Variants in ESRRB observed in about 807,000 individuals in gnomAD.
ESRRB encodes steroid hormone receptor ERR2.
In ESRRB, 16 loss-of-function variants were observed where a neutral mutation model predicts 46.0. That is an observed-to-expected ratio of 0.35 (90% CI 0.24 to 0.53). ESRRB has a LOEUF of 0.53. ESRRB is among the 20% of genes least tolerant of loss of function. The pLI is 0.93. For synonymous variants in ESRRB, 246 were observed against 259.6 expected (o/e 0.95, Z 0.50); for missense variants, 488 against 607.4 (o/e 0.80, Z 2.07).
chr14:76,447,504 TC>T, intron 2 of ESRRB, among the ~76,000 whole-genome samples: 1 of 152,246 alleles, frequency 6.6e-6, no homozygotes, highest in South Asian at 2.1e-4. Flanking sequence ...CTTGCTGTCA[TC>T]CTCTTCCCCA....
chr14:76,429,849 A>ATGTG (rs58340334), intron 1 of ESRRB, among the ~76,000 whole-genome samples: 211 of 150,288 alleles, frequency 1.4e-3, no homozygotes, highest in African/African-American at 4.1e-3. Context: ...TTTAAGTTTT[A>ATGTG]TGTGTGTGTG....
chr14:76,491,403 C>T, intron 5 of ESRRB, 44 bp from the exon 6 acceptor site: 8 of 1,600,402 alleles, frequency 5.0e-6, no homozygotes, highest in Non-Finnish European at 6.8e-6. Context: ...CCCTGGTCCG[C>T]CCTCCTGACC....
intron 2 of ESRRB, among the ~76,000 whole-genome samples, chr14:76,449,627 G>C (rs746577955): frequency 3.9e-5 from 6 of 152,064 alleles, no homozygotes; most frequent in Non-Finnish European, 8.8e-5. Flanking sequence ...CATTGATTGC[G>C]GTCTTCTTAG....
At chr14:76,481,201 G>C (rs1436528184) in intron 3 of ESRRB, among the ~76,000 whole-genome samples, 2 of 152,250 alleles carry the variant, frequency 1.3e-5, no homozygotes, top group African/African-American at 4.8e-5. Flanking sequence ...AGTCTGAGCT[G>C]TGTGTCCACC....
intron 2 of ESRRB, among the ~76,000 whole-genome samples, chr14:76,461,272 A>G (rs1277292895): frequency 6.6e-6 from 1 of 152,180 alleles, no homozygotes; most frequent in African/African-American, 2.4e-5. Flanking sequence ...AAATGGGAAT[A>G]GTATTAGTAC....
upstream of ESRRB, among the ~76,000 whole-genome samples, chr14:76,367,057 A>G (rs146719967): frequency 2.8e-3 from 429 of 152,308 alleles, 2 homozygotes; most frequent in Middle Eastern, 0.01. Context: ...TCTAGAAAAC[A>G]GAGACCTGGG....
In ESRRB at chr14:76,500,015, C is replaced by T. The variant is rs968620418; in HGVS notation, c.*1557C>T. The T allele has an allele frequency of 6.4e-7, 1 of 1,564,714 alleles. No individual in the cohort carries two copies. The highest frequency in any genetic ancestry group is 1.4e-5 in the African/African-American group (1 of 73,748). ...CACGCCCTTCTAGTCCAACCCCCCT[C>T]AATGAGAGAGGCAGGCAGATCTCAC... On this transcript the variant is annotated 3_prime_UTR_variant, in exon 7 of 7. Coordinates refer to ENST00000644823, the MANE Select transcript of ESRRB (RefSeq NM_001379180.1).
At chr14:76,432,125 G>A (rs576666175) in intron 1 of ESRRB, among the ~76,000 whole-genome samples, 8 of 152,300 alleles carry the variant, frequency 5.3e-5, no homozygotes, top group African/African-American at 1.9e-4. Flanking sequence ...ATACTTCTAA[G>A]TCAGTGGTTC....
chr14:76,471,693 C>A (rs931728130), intron 3 of ESRRB, among the ~76,000 whole-genome samples: 2 of 152,236 alleles, frequency 1.3e-5, no homozygotes, highest in African/African-American at 4.8e-5. Flanking sequence ...CCTATCCACT[C>A]TATTACTTGC....
Position 76,498,615 on chromosome 14 carries a change from C to A in ESRRB, c.*157C>A. ...TTCTCACCTCCTGGCTGTGTGCAGA[C>A]TCCCGGGTGCAGTGGGGTGGGGGAC... On this transcript the variant is annotated 3_prime_UTR_variant, in exon 7 of 7. Transcript: ENST00000644823. 2 of 1,405,100 alleles carry A rather than the reference C, an allele frequency of 1.4e-6. No individual in the cohort carries two copies. Among genetic ancestry groups the A allele is most frequent in the Non-Finnish European group, 1.9e-6 (2 of 1,060,728 alleles). The allele number at this position is 1,405,100 out of a possible 1,614,324, so 87.0% of individuals were successfully genotyped here.
At chr14:76,357,198 A>C (rs77180333) in intron 1 of ESRRB, among the ~76,000 whole-genome samples, 2,119 of 152,394 alleles carry the variant, frequency 0.014, 49 homozygotes, top group African/African-American at 0.048. Flanking sequence ...AGAAGAATCT[A>C]TATCCAGAAA....
chr14:76,492,311 G>A (rs900280772), intron 6 of ESRRB, among the ~76,000 whole-genome samples: 4 of 152,144 alleles, frequency 2.6e-5, no homozygotes, highest in Non-Finnish European at 5.9e-5. Flanking sequence ...CTACAGGCAT[G>A]TGCCATTATT....
chr14:76,315,588 G>T (rs28641969), intron 1 of ESRRB, among the ~76,000 whole-genome samples: 15,529 of 152,260 alleles, frequency 0.1, 954 homozygotes, highest in East Asian at 0.22. Flanking sequence ...TGAAACGCAC[G>T]TGAAGTGCTT....
intron 6 of ESRRB, among the ~76,000 whole-genome samples, chr14:76,493,185 C>T (rs1367971620): frequency 6.6e-6 from 1 of 152,108 alleles, no homozygotes; most frequent in African/African-American, 2.4e-5. Context: ...GACAGAGTCT[C>T]ACTCTGTGGC....
At chr14:76,381,194 G>A (rs1401169663) in intron 1 of ESRRB, among the ~76,000 whole-genome samples, 1 of 152,132 alleles carries the variant, frequency 6.6e-6, no homozygotes. Flanking sequence ...GTATGGCTTC[G>A]TCCCTGCGCG....
intron 3 of ESRRB, among the ~76,000 whole-genome samples, chr14:76,468,154 A>G (rs1204758771): frequency 1.3e-5 from 2 of 152,190 alleles, no homozygotes; most frequent in African/African-American, 2.4e-5. Flanking sequence ...CCTTGTATTT[A>G]TAGAGTATTC....
chr14:76,444,866 A>C (rs965697984), intron 2 of ESRRB, among the ~76,000 whole-genome samples: 1 of 152,050 alleles, frequency 6.6e-6, no homozygotes, highest in African/African-American at 2.4e-5. Context: ...AATGCTTGGA[A>C]AGCTCTGAAA....
chr14:76,325,982 A>G (rs747432368), intron 1 of ESRRB, among the ~76,000 whole-genome samples: 18 of 152,194 alleles, frequency 1.2e-4, no homozygotes, highest in Admixed American at 9.8e-4. Flanking sequence ...CATTTTCTCT[A>G]TGTTTGAGAC....
chr14:76,464,034 A>G (rs1889001943), intron 3 of ESRRB, among the ~76,000 whole-genome samples: 1 of 152,102 alleles, frequency 6.6e-6, no homozygotes, highest in African/African-American at 2.4e-5. Context: ...CTTGTTCAGT[A>G]CCATTTTGGG....
Sources: allele counts gnomAD v4.1 joint callset (sites outside exome capture counted in the v4.1 genomes callset), GRCh38; gene constraint gnomAD v4.1.1; transcripts MANE v1.5; gene names NCBI Gene and HGNC (gene_info 2026-07-23, HGNC 2026-07-21).